ATL1: variants seen among roughly 807,000 people sequenced by gnomAD.
ATL1 encodes atlastin GTPase 1.
A neutral mutation model predicts 75.5 loss-of-function variants in ATL1; 31 were observed. The observed-to-expected ratio is 0.41, with a 90% CI of 0.31 to 0.55. The LOEUF (loss-of-function observed/expected upper bound fraction) is 0.55, where lower values mean the gene tolerates loss of function less well. Ranked by LOEUF, ATL1 falls within the 20% of genes least tolerant of loss-of-function variation. The pLI is 0.27. For missense variants in ATL1, 405 were observed against 662.6 expected (o/e 0.61, Z 4.27); for synonymous variants, 226 against 233.3 (o/e 0.97, Z 0.28).
intron 7 of ATL1, among the ~76,000 whole-genome samples, 154 bp from the exon 8 acceptor site, chr14:50,614,219 C>T (rs1404396962): frequency 8.5e-5 from 13 of 152,164 alleles, no homozygotes; most frequent in Admixed American, 7.9e-4. Context: ...GTGGGCAAAC[C>T]CACCCAAGAC....
At chr14:50,596,011 C>T (rs528937462) in intron 6 of ATL1, among the ~76,000 whole-genome samples, 1 of 151,694 alleles carries the variant, frequency 6.6e-6, no homozygotes, top group South Asian at 2.1e-4. Flanking sequence ...ATGTATTAAA[C>T]ATAAGAATGT....
intron 1 of ATL1, among the ~76,000 whole-genome samples, chr14:50,586,101 C>T (rs1234208913): frequency 6.6e-6 from 1 of 151,944 alleles, no homozygotes; most frequent in Non-Finnish European, 1.5e-5. Context: ...GAGATGATTG[C>T]CTTGCTTTTA....
At chr14:50,626,744 T>C (rs1483683663) in intron 11 of ATL1, among the ~76,000 whole-genome samples, 1 of 152,224 alleles carries the variant, frequency 6.6e-6, no homozygotes, top group Non-Finnish European at 1.5e-5. Context: ...AATATTTCTT[T>C]ATGCTAGGAA....
chr14:50,591,440 T>C (rs1238406431), intron 3 of ATL1, 95 bp from the exon 4 acceptor site: 14 of 822,814 alleles, frequency 1.7e-5, no homozygotes, highest in Non-Finnish European at 2.4e-5. Flanking sequence ...TATTGATTAA[T>C]AATGGTTTGC....
At position 50,595,561 on chromosome 14, in the gene ATL1, T is replaced by C. The variant is rs1566725574; in HGVS notation, c.574-15T>C. The C allele has an allele frequency of 6.2e-7, 1 of 1,613,052 alleles. No individual in the cohort carries two copies. The highest frequency in any genetic ancestry group is 1.7e-5 in the Admixed American group (1 of 59,988). On this transcript the variant is annotated splice_polypyrimidine_tract_variant and intron_variant, in intron 5 of 13. Coordinates refer to ENST00000358385, the MANE Select transcript of ATL1 (RefSeq NM_015915.5). ...CTCTCTCTGTGTATGTGTGTGTGTG[T>C]AATTTTTTTTCTAGCTTTTCACTGA...
rs2038818923 is a variant in ATL1 at position 50,560,232 on chromosome 14, A to T, written c.-34A>T. 6.2e-7 allele frequency: 1 copy of T among 1,612,976 alleles called. No individual in the cohort carries two copies. Among genetic ancestry groups the T allele is most frequent in the African/African-American group, 1.3e-5 (1 of 74,902 alleles). On this transcript the variant is annotated 5_prime_UTR_variant, in exon 1 of 14. Transcript: ENST00000358385. ...CCCGGAGAAGGCAGCGAGCGCAGTG[A>T]CAGCGCCTCACCGCCACCAGCTCCT...
At chr14:50,533,865 G>T (rs2038456786) in intron 1 of ATL1, among the ~76,000 whole-genome samples, 1 of 152,168 alleles carries the variant, frequency 6.6e-6, no homozygotes, top group Non-Finnish European at 1.5e-5. Context: ...TAACAGGACA[G>T]GGCATATATG....
intron 1 of ATL1, among the ~76,000 whole-genome samples, chr14:50,566,533 T>A (rs1298919756): frequency 6.6e-6 from 1 of 152,194 alleles, no homozygotes; most frequent in African/African-American, 2.4e-5. Context: ...ATATGATAGG[T>A]CTGAAATGGT....
At chr14:50,564,755 G>A (rs1176545649) in intron 1 of ATL1, among the ~76,000 whole-genome samples, 1 of 150,796 alleles carries the variant, frequency 6.6e-6, no homozygotes, top group Non-Finnish European at 1.5e-5. Context: ...AACTATCTTA[G>A]CTTCACAGTA....
At chr14:50,584,707 T>C (rs746830423) in intron 1 of ATL1, among the ~76,000 whole-genome samples, 23 of 150,958 alleles carry the variant, frequency 1.5e-4, no homozygotes, top group Admixed American at 6.6e-4. Context: ...AGACTCTGTC[T>C]CAAAAAAATA....
intron 1 of ATL1, among the ~76,000 whole-genome samples, chr14:50,564,647 C>CAAAAAAGAAAA (rs2038884482): frequency 2.5e-5 from 1 of 40,004 alleles, no homozygotes; most frequent in Non-Finnish European, 4.1e-5. Context: ...GATTCCGTCT[C>CAAAAAAGAAAA]AAAAAAAAAA....
chr14:50,612,813 A>C (rs2039378262), intron 6 of ATL1, among the ~76,000 whole-genome samples: 1 of 152,126 alleles, frequency 6.6e-6, no homozygotes, highest in African/African-American at 2.4e-5. Flanking sequence ...TGAACTTTTT[A>C]TGATGCGCAT....
chr14:50,628,527 A>G, intron 12 of ATL1, 65 bp downstream of exon 12: 2 of 1,501,582 alleles, frequency 1.3e-6, no homozygotes, highest in Non-Finnish European at 9.1e-7. Flanking sequence ...TGTGCCAGCC[A>G]CTGCATTAGA....
rs1054302529 is a variant in ATL1 at position 50,630,984 on chromosome 14, C to T, written c.1566+975C>T. Reference sequence around the variant, plus strand: ...ATGCCATAAGAAAATCAAGGCCAGGCGCGGTGGCTCACGCCTGTAATCCCA... The same window carrying T: ...ATGCCATAAGAAAATCAAGGCCAGGTGCGGTGGCTCACGCCTGTAATCCCA... On this transcript the variant is annotated intron_variant, in intron 13 of 13. Coordinates refer to ENST00000358385, the MANE Select transcript of ATL1 (RefSeq NM_015915.5). 3.7e-5 allele frequency: 17 copies of T among 454,708 alleles called. No individual in the cohort carries two copies. The East Asian group carries it at 8.4e-4, about 22-fold the overall frequency. 28.2% of individuals were successfully genotyped at this position (454,708 alleles called of 1,614,324 possible).
At chr14:50,558,145 G>T (rs1376140738), upstream of ATL1, among the ~76,000 whole-genome samples, 1 of 152,136 alleles carries the variant, frequency 6.6e-6, no homozygotes, top group Admixed American at 6.5e-5. Context: ...TGGGCAGATC[G>T]CTTGAGCTCA....
chr14:50,619,665 G>C (rs2039448494), intron 8 of ATL1, among the ~76,000 whole-genome samples: 1 of 152,152 alleles, frequency 6.6e-6, no homozygotes, highest in African/African-American at 2.4e-5. Flanking sequence ...TATCAAACAT[G>C]ACAACTACAT....
intron 5 of ATL1, among the ~76,000 whole-genome samples, chr14:50,595,009 A>AG: frequency 6.6e-6 from 1 of 151,862 alleles, no homozygotes; most frequent in East Asian, 1.9e-4. Context: ...AAAAAAAAAA[A>AG]AAACAAAAAA....
At chr14:50,549,209 G>T (rs2038671913) in intron 1 of ATL1, among the ~76,000 whole-genome samples, 1 of 152,242 alleles carries the variant, frequency 6.6e-6, no homozygotes, top group East Asian at 1.9e-4. Context: ...ACATTGATGG[G>T]TCTAGCAAAG....
chr14:50,624,416 C>A (rs1019859868), intron 11 of ATL1, among the ~76,000 whole-genome samples: 1 of 151,964 alleles, frequency 6.6e-6, no homozygotes, highest in Non-Finnish European at 1.5e-5. Flanking sequence ...GCTGATGTTA[C>A]TATTGTAATT....
Sources: gnomAD v4.1 joint callset for allele counts (sites outside exome capture counted in the v4.1 genomes callset) on GRCh38, gnomAD v4.1.1 for gene constraint, MANE v1.5 for transcripts, NCBI Gene and HGNC (gene_info 2026-07-23, HGNC 2026-07-21) for gene names.